Variants in NALCN observed in about 807,000 individuals in gnomAD.
NALCN encodes the protein sodium leak channel NALCN.
A neutral mutation model predicts 225.3 loss-of-function variants in NALCN; 111 were observed. That is an observed-to-expected ratio of 0.49 (90% CI 0.42 to 0.58). NALCN has a LOEUF of 0.58. NALCN is among the 20% of genes least tolerant of loss of function. The pLI, the probability that NALCN is intolerant of heterozygous loss-of-function variation, is 0.00. For missense variants in NALCN, 1,378 were observed against 2,202.4 expected, an observed-to-expected ratio of 0.63 and a Z score of 7.49; for synonymous variants, 764 against 769.0, an observed-to-expected ratio of 0.99 and a Z score of 0.11.
chr13:101,405,997 T>A (rs1001359303), intron 1 of NALCN, among the ~76,000 whole-genome samples: 2 of 152,200 alleles, frequency 1.3e-5, no homozygotes, highest in Middle Eastern at 3.4e-3. Flanking sequence ...GAGGGGTTAT[T>A]ATGTGCCAGT....
chr13:101,184,525 T>A (rs188888898), intron 14 of NALCN, among the ~76,000 whole-genome samples: 1 of 152,222 alleles, frequency 6.6e-6, no homozygotes, highest in Non-Finnish European at 1.5e-5. Flanking sequence ...ACAGATATAT[T>A]TATTTTTTTT....
At chr13:101,385,564 C>T (rs970859902) in intron 3 of NALCN, among the ~76,000 whole-genome samples, 2 of 152,188 alleles carry the variant, frequency 1.3e-5, no homozygotes, top group East Asian at 1.9e-4. Context: ...TGACTTTGCA[C>T]GTGTGCCAAT....
At chr13:101,055,542 A>G (rs1023341134) in intron 43 of NALCN, 54 bp from the exon 44 acceptor site, 1 of 1,501,674 alleles carries the variant, frequency 6.7e-7, no homozygotes, top group African/African-American at 1.4e-5. Flanking sequence ...CCCTATTGTA[A>G]TCACTCCTAA....
intron 11 of NALCN, among the ~76,000 whole-genome samples, chr13:101,244,093 G>C (rs1364541010): frequency 6.6e-6 from 1 of 151,992 alleles, no homozygotes; most frequent in Non-Finnish European, 1.5e-5. Flanking sequence ...CCTGGTTGCT[G>C]TATTAGCAGA....
chr13:101,376,493 A>G (rs1009281982), intron 6 of NALCN, among the ~76,000 whole-genome samples: 4 of 151,726 alleles, frequency 2.6e-5, no homozygotes, highest in Admixed American at 6.6e-5. Flanking sequence ...CCCCAGCCTC[A>G]TGACAGAGCG....
intron 35 of NALCN, 30 bp from the exon 36 acceptor site, chr13:101,074,692 CAGAG>C (rs34229756): frequency 6.5e-3 from 9,110 of 1,407,518 alleles, no homozygotes; most frequent in South Asian, 0.016. Flanking sequence ...AGCGGGGAGA[CAGAG>C]AGAGAGAGAG....
At chr13:101,159,715 A>C (rs2038069838) in intron 15 of NALCN, among the ~76,000 whole-genome samples, 1 of 152,112 alleles carries the variant, frequency 6.6e-6, no homozygotes. Context: ...GCCCAGATTT[A>C]AATGCCTATG....
intron 7 of NALCN, 150 bp downstream of exon 7, chr13:101,345,116 T>C (rs2045678045): frequency 1.2e-6 from 1 of 801,306 alleles, no homozygotes; most frequent in Admixed American, 2.9e-5. Flanking sequence ...TAGAATATAT[T>C]ATAAAATAGG....
intron 22 of NALCN, among the ~76,000 whole-genome samples, chr13:101,105,409 C>A (rs377588264): frequency 4.6e-5 from 7 of 152,136 alleles, no homozygotes; most frequent in African/African-American, 1.7e-4. Flanking sequence ...TTTAGAATTT[C>A]TTGGAAGGGA....
intron 13 of NALCN, among the ~76,000 whole-genome samples, chr13:101,194,028 CA>C (rs1211471883): frequency 6.6e-6 from 1 of 152,106 alleles, no homozygotes; most frequent in Non-Finnish European, 1.5e-5. Flanking sequence ...TGATTAAGCC[CA>C]ACAGATTTAT....
chr13:101,350,219 C>G (rs566960807), intron 6 of NALCN, among the ~76,000 whole-genome samples: 7 of 152,274 alleles, frequency 4.6e-5, no homozygotes, highest in Admixed American at 2.0e-4. Context: ...CTGCAAGATA[C>G]TGAAGGATCT....
intron 11 of NALCN, among the ~76,000 whole-genome samples, chr13:101,238,673 A>T (rs1294544884): frequency 6.6e-6 from 1 of 151,978 alleles, no homozygotes; most frequent in Admixed American, 6.6e-5. Flanking sequence ...TAAAATTTGC[A>T]ATAGAAGATT....
At chr13:101,315,061 A>G (rs1324449908) in intron 7 of NALCN, among the ~76,000 whole-genome samples, 2 of 152,236 alleles carry the variant, frequency 1.3e-5, no homozygotes, top group Non-Finnish European at 2.9e-5. Context: ...TAATACAAAA[A>G]TAAATAATCA....
At chr13:101,086,986 T>A (rs907231873) in intron 30 of NALCN, among the ~76,000 whole-genome samples, 2 of 152,144 alleles carry the variant, frequency 1.3e-5, no homozygotes, top group Non-Finnish European at 2.9e-5. Context: ...AAAAAAAATT[T>A]TGGAAAGTTG....
rs1361525540 is a variant in NALCN at position 101,076,002 on chromosome 13, A to AT, written c.3886-62dup. 3.5e-6 allele frequency: 5 copies of AT among 1,421,278 alleles called. No homozygotes were observed. The South Asian group carries it at 6.3e-5, about 18-fold the overall frequency. 88.0% of individuals were successfully genotyped at this position (1,421,278 alleles called of 1,614,324 possible). ...GCACAAAAGATCTTGTTACAGTTCC[A>AT]TTTTTTAAGCCTTCTGTGAAGTATA... On this transcript the variant is annotated intron_variant, in intron 34 of 43. Transcript: ENST00000251127.
chr13:101,144,630 G>T, intron 16 of NALCN, 130 bp downstream of exon 16: 2 of 804,444 alleles, frequency 2.5e-6, no homozygotes, highest in Non-Finnish European at 3.8e-6. Flanking sequence ...GGTAGAGGTA[G>T]TAGAAAGATG....
intron 15 of NALCN, among the ~76,000 whole-genome samples, chr13:101,173,003 G>A (rs570244009): frequency 2.0e-5 from 3 of 152,302 alleles, no homozygotes; most frequent in African/African-American, 7.2e-5. Context: ...ATGCTGCTAT[G>A]CTGCAAGCCT....
intron 15 of NALCN, among the ~76,000 whole-genome samples, chr13:101,154,295 T>C (rs2037796590): frequency 6.6e-6 from 1 of 152,218 alleles, no homozygotes; most frequent in South Asian, 2.1e-4. Context: ...ATTCCAGAGC[T>C]TGAGCTTCTA....
intron 13 of NALCN, among the ~76,000 whole-genome samples, chr13:101,211,353 G>T (rs1021833116): frequency 1.3e-5 from 2 of 152,010 alleles, no homozygotes; most frequent in Non-Finnish European, 2.9e-5. Context: ...TAGGGTTAGG[G>T]GTAGGAAACA....
Sources: gnomAD v4.1 joint callset for allele counts (sites outside exome capture counted in the v4.1 genomes callset) on GRCh38, gnomAD v4.1.1 for gene constraint, MANE v1.5 for transcripts, NCBI Gene and HGNC (gene_info 2026-07-23, HGNC 2026-07-21) for gene names.